The following PTPRK variants were observed in gnomAD, a reference collection of about 807,000 sequenced individuals.
PTPRK encodes the protein receptor-type tyrosine-protein phosphatase kappa.
A neutral mutation model predicts 178.0 loss-of-function variants in PTPRK; 75 were observed. The observed-to-expected ratio is 0.42, with a 90% confidence interval of 0.35 to 0.51. The LOEUF is 0.51. Among genes scored for constraint, PTPRK ranks in the 20% least tolerant of loss-of-function variants. PTPRK has a pLI of 0.02. For missense variants in PTPRK, 1,441 were observed against 1,797.8 expected (o/e 0.80, Z 3.59); for synonymous variants, 637 against 620.6 (o/e 1.03, Z -0.39).
intron 7 of PTPRK, among the ~76,000 whole-genome samples, chr6:128,140,618 T>C (rs2114507848): frequency 6.6e-6 from 1 of 152,122 alleles, no homozygotes; most frequent in Admixed American, 6.6e-5. Flanking sequence ...TTTGAACTAC[T>C]GGATTTATGC....
chr6:128,173,546 C>T (rs1800611701), intron 7 of PTPRK, among the ~76,000 whole-genome samples: 1 of 151,936 alleles, frequency 6.6e-6, no homozygotes, highest in African/African-American at 2.4e-5. Flanking sequence ...ACCATAAACC[C>T]AGGAAAATAA....
chr6:128,366,504 T>C (rs1835508525), intron 2 of PTPRK, among the ~76,000 whole-genome samples: 1 of 152,160 alleles, frequency 6.6e-6, no homozygotes, highest in African/African-American at 2.4e-5. Flanking sequence ...TTGTACCAAG[T>C]ACTGGACTAA....
intron 7 of PTPRK, among the ~76,000 whole-genome samples, chr6:128,091,719 C>T (rs956767746): frequency 2.0e-5 from 3 of 152,054 alleles, no homozygotes; most frequent in Admixed American, 2.0e-4. Flanking sequence ...TTAGGTCTAG[C>T]ACTTATACAC....
chr6:127,973,598 T>C, intron 28 of PTPRK, 66 bp downstream of exon 28: 1 of 1,575,898 alleles, frequency 6.3e-7, no homozygotes, highest in Non-Finnish European at 8.6e-7. Flanking sequence ...AGATAGTCTT[T>C]AACATTGAAA....
rs116586175 is a variant in PTPRK, at chr6:128,258,756, T to A, written c.496-16154A>T. On this transcript the variant is annotated intron_variant, in intron 3 of 29. Transcript: ENST00000368226. ...GGTCAGCCTCTGAGAAGGCAAAATA[T>A]GAGTAGAGACCAGAATGGGAAGATG... Among the ~76,000 whole-genome samples the A allele has an allele frequency of 4.8e-3, 734 of 152,188 alleles. 4 individuals are homozygous for A. Among genetic ancestry groups the A allele is most frequent in the African/African-American group, 0.016 (650 of 41,528 alleles).
intron 1 of PTPRK, among the ~76,000 whole-genome samples, chr6:128,433,794 G>A (rs1030422437): frequency 4.4e-4 from 67 of 151,252 alleles, no homozygotes; most frequent in African/African-American, 1.6e-3. Flanking sequence ...TGGGATTACA[G>A]GGGTGAGCTA....
intron 2 of PTPRK, among the ~76,000 whole-genome samples, chr6:128,350,326 A>C (rs992598501): frequency 2.6e-5 from 4 of 152,244 alleles, no homozygotes; most frequent in African/African-American, 7.2e-5. Flanking sequence ...TGTAAGAAGC[A>C]ATCAGCAGGT....
intron 3 of PTPRK, among the ~76,000 whole-genome samples, chr6:128,297,267 A>T (rs1457427357): frequency 2.0e-5 from 3 of 152,010 alleles, no homozygotes; most frequent in Non-Finnish European, 2.9e-5. Flanking sequence ...CTCCCACACA[A>T]TAATAATGGG....
chr6:128,239,140 TTTTTGGTCTCTA>T (rs1458900168), intron 5 of PTPRK, among the ~76,000 whole-genome samples: 1 of 151,494 alleles, frequency 6.6e-6, no homozygotes, highest in Non-Finnish European at 1.5e-5. Context: ...TTTTTTTTTT[TTTTTGGTCTCTA>T]TTGGCATTCT....
In PTPRK at chr6:128,167,625, G is replaced by GA; in HGVS notation, c.1162+16806dup. Reference sequence around the variant, plus strand: ...AAATTTCCTATAAAAATAATTCCTAGATAATTTTAAGTTAAACTGCATTGC... The same window carrying GA: ...AAATTTCCTATAAAAATAATTCCTAGAATAATTTTAAGTTAAACTGCATTGC... On this transcript the variant is annotated intron_variant, in intron 7 of 29. Coordinates refer to ENST00000368226, the MANE Select transcript of PTPRK (RefSeq NM_002844.4). 1.3e-5 allele frequency among the ~76,000 whole-genome samples: 2 copies of GA among 151,882 alleles called. 1 individual carries two copies. Among genetic ancestry groups the GA allele is most frequent in the Admixed American group, 1.3e-4 (2 of 15,218 alleles).
At chr6:128,277,444 A>G (rs1220223562) in intron 3 of PTPRK, among the ~76,000 whole-genome samples, 4 of 152,196 alleles carry the variant, frequency 2.6e-5, no homozygotes, top group African/African-American at 9.7e-5. Flanking sequence ...GCTCTGTCAA[A>G]ACACTGAGAA....
At chr6:128,136,584 T>C (rs572600622) in intron 7 of PTPRK, among the ~76,000 whole-genome samples, 11 of 152,358 alleles carry the variant, frequency 7.2e-5, no homozygotes, top group African/African-American at 2.6e-4. Context: ...AAGACTTACT[T>C]AATCTGGTAT....
chr6:128,043,280 G>T lies in PTPRK; in HGVS notation c.2194+21478C>A, dbSNP rs115199415. ...TTTAACTGATGATTCTACATGGACAGTGTGAAATAAATGTGGTGCATTGAA... is the reference window on the plus strand; with the variant it reads ...TTTAACTGATGATTCTACATGGACATTGTGAAATAAATGTGGTGCATTGAA... On this transcript the variant is annotated intron_variant, in intron 13 of 29. Coordinates refer to ENST00000368226, the MANE Select transcript of PTPRK (RefSeq NM_002844.4). Among the ~76,000 whole-genome samples, 251 of 152,102 alleles carry T rather than the reference G, an allele frequency of 1.7e-3. 1 individual carries two copies. Among genetic ancestry groups the T allele is most frequent in the African/African-American group, 5.9e-3 (245 of 41,514 alleles).
intron 7 of PTPRK, among the ~76,000 whole-genome samples, chr6:128,149,052 C>A (rs1262245101): frequency 6.6e-6 from 1 of 151,578 alleles, no homozygotes; most frequent in Non-Finnish European, 1.5e-5. Context: ...TCAAAGAGAA[C>A]CATGAACCAA....
At chr6:128,024,947 G>T (rs1774068550) in intron 13 of PTPRK, among the ~76,000 whole-genome samples, 1 of 152,022 alleles carries the variant, frequency 6.6e-6, no homozygotes, top group Admixed American at 6.6e-5. Context: ...TGTACCAAAA[G>T]AATGAATATG....
At chr6:128,303,120 G>A (rs1825886238) in intron 3 of PTPRK, among the ~76,000 whole-genome samples, 1 of 152,110 alleles carries the variant, frequency 6.6e-6, no homozygotes, top group Admixed American at 6.5e-5. Context: ...ACTCCTATCA[G>A]TTACATCTCC....
intron 5 of PTPRK, among the ~76,000 whole-genome samples, chr6:128,227,140 T>C (rs905778357): frequency 2.0e-5 from 3 of 152,124 alleles, no homozygotes; most frequent in Non-Finnish European, 4.4e-5. Flanking sequence ...CCTTAGAACA[T>C]TTTAGTCAAA....
intron 7 of PTPRK, among the ~76,000 whole-genome samples, chr6:128,108,951 A>G (rs1790171592): frequency 6.6e-6 from 1 of 152,122 alleles, no homozygotes; most frequent in Non-Finnish European, 1.5e-5. Flanking sequence ...ATTTAAACCT[A>G]ATTGTTTCCC....
chr6:128,379,699 G>A (rs868701865), intron 2 of PTPRK, among the ~76,000 whole-genome samples: 10 of 152,248 alleles, frequency 6.6e-5, no homozygotes, highest in Middle Eastern at 6.8e-3. Flanking sequence ...TCCAAAAACA[G>A]CAAATCCTTT....
Sources: gnomAD v4.1 joint callset for allele counts (sites outside exome capture counted in the v4.1 genomes callset) on GRCh38, gnomAD v4.1.1 for gene constraint, MANE v1.5 for transcripts, NCBI Gene and HGNC (gene_info 2026-07-23, HGNC 2026-07-21) for gene names.